DPF3: variants seen among roughly 807,000 people sequenced by gnomAD.
The protein encoded by DPF3 is zinc finger protein DPF3.
A neutral mutation model predicts 56.8 loss-of-function variants in DPF3; 18 were observed. The ratio of observed to expected loss-of-function variants is 0.32; its 90% CI spans 0.22 to 0.47. The LOEUF is 0.47. Among genes scored for constraint, DPF3 ranks in the 20% least tolerant of loss-of-function variants. DPF3 has a pLI of 1.00. For missense variants in DPF3, 403 were observed against 488.8 expected (o/e 0.82, Z 1.65); for synonymous variants, 188 against 180.2 (o/e 1.04, Z -0.35).
chr14:72,654,756 CTTTG>C (rs1886016888), intron 8 of DPF3, among the ~76,000 whole-genome samples: 2 of 152,162 alleles, frequency 1.3e-5, no homozygotes. Context: ...TCCAGTTCCC[CTTTG>C]TTTCTTTTAT....
intron 7 of DPF3, among the ~76,000 whole-genome samples, chr14:72,679,671 G>A (rs933628466): frequency 2.6e-5 from 4 of 152,260 alleles, no homozygotes; most frequent in African/African-American, 9.6e-5. Context: ...CATGGCAACC[G>A]GAATCCTGGG....
intron 2 of DPF3, among the ~76,000 whole-genome samples, chr14:72,758,970 T>G (rs1163939539): frequency 6.6e-6 from 1 of 152,128 alleles, no homozygotes; most frequent in Non-Finnish European, 1.5e-5. Flanking sequence ...AAAATATGAC[T>G]TATAATAAGG....
intron 1 of DPF3, among the ~76,000 whole-genome samples, chr14:72,878,677 A>T (rs1886208597): frequency 6.6e-6 from 1 of 152,256 alleles, no homozygotes; most frequent in Non-Finnish European, 1.5e-5. Flanking sequence ...AAGTTGATTT[A>T]TCAGTGGCTA....
chr14:72,733,527 A>G (rs1889761957), intron 3 of DPF3, among the ~76,000 whole-genome samples: 1 of 152,132 alleles, frequency 6.6e-6, no homozygotes, highest in African/African-American at 2.4e-5. Flanking sequence ...GACAGGAGCT[A>G]TGGCTTGCAG....
chr14:72,892,077 T>C, intron 1 of DPF3: 1 of 1,476,622 alleles, frequency 6.8e-7, no homozygotes, highest in Admixed American at 2.3e-5. Flanking sequence ...AGCTTAGAGA[T>C]ACTGCGCCCG....
At chr14:72,629,276 G>C (rs1456217209) in intron 9 of DPF3, among the ~76,000 whole-genome samples, 2 of 152,214 alleles carry the variant, frequency 1.3e-5, no homozygotes, top group Non-Finnish European at 2.9e-5. Context: ...GTCGAAGCTG[G>C]TGATGGTTTA....
chr14:72,624,333 C>CTTTTTTTTTTTTTTTTTTTT (rs55820708), intron 9 of DPF3, among the ~76,000 whole-genome samples: 7 of 97,794 alleles, frequency 7.2e-5, no homozygotes, highest in African/African-American at 2.3e-4. Context: ...ACCTATGTCT[C>CTTTTTTTTTTTTTTTTTTTT]TTTTTTTTTT....
chr14:72,715,748 C>T (rs995586044), intron 5 of DPF3, among the ~76,000 whole-genome samples: 13 of 152,002 alleles, frequency 8.6e-5, no homozygotes, highest in African/African-American at 2.9e-4. Flanking sequence ...TCCCAATCAA[C>T]ACCACCTGCC....
chr14:72,707,755 C>G (rs1305924525), intron 6 of DPF3, among the ~76,000 whole-genome samples: 1 of 151,084 alleles, frequency 6.6e-6, no homozygotes, highest in South Asian at 2.1e-4. Context: ...AAAACAAATA[C>G]AGCAAAAAAT....
chr14:72,662,428 T>C (rs758699700), intron 8 of DPF3: 69 of 984,634 alleles, frequency 7.0e-5, no homozygotes, highest in Middle Eastern at 5.2e-4. Context: ...AGCACTTTTT[T>C]CCTTTTAAAT....
chr14:72,742,133 C>T (rs1354393830), intron 3 of DPF3, among the ~76,000 whole-genome samples: 1 of 152,224 alleles, frequency 6.6e-6, no homozygotes, highest in Non-Finnish European at 1.5e-5. Flanking sequence ...GCACGCCCTG[C>T]CCACCTCGCT....
At chr14:72,714,308 GA>G in intron 6 of DPF3, 114 bp downstream of exon 6, 4 of 1,310,490 alleles carry the variant, frequency 3.1e-6, no homozygotes, top group Non-Finnish European at 4.3e-6. Context: ...GCAGACAGAG[GA>G]AGAGGAGAGC....
intron 1 of DPF3, among the ~76,000 whole-genome samples, chr14:72,880,655 C>T (rs1387008658): frequency 6.6e-6 from 1 of 152,102 alleles, no homozygotes; most frequent in African/African-American, 2.4e-5. Context: ...CTCTTGGGCT[C>T]GGGTGATCCT....
intron 6 of DPF3, among the ~76,000 whole-genome samples, chr14:72,695,425 T>C (rs1887860954): frequency 6.6e-6 from 1 of 152,170 alleles, no homozygotes; most frequent in South Asian, 2.1e-4. Context: ...ACTTCTTTGT[T>C]AAGGTAAGAT....
At position 72,614,245 on chromosome 14, in the gene DPF3, T is replaced by C. The variant is rs1359481026; in HGVS notation, c.*5052A>G. 6.6e-6 allele frequency among the ~76,000 whole-genome samples: 1 copy of C among 152,188 alleles called. No homozygotes were observed. Among genetic ancestry groups the C allele is most frequent in the African/African-American group, 2.4e-5 (1 of 41,462 alleles). On this transcript the variant is annotated 3_prime_UTR_variant, in exon 11 of 11. Transcript: ENST00000556509. The stretch of plus-strand genomic sequence containing the variant: ...AGCCCACCTTCTGACCACGGACCAG[T>C]TAGACTCTATGGCAAGCTGGGGTTC...
Position 72,753,921 on chromosome 14 carries a change from A to G in DPF3, c.194-550T>C, listed in dbSNP as rs115397338. 5.8e-3 allele frequency among the ~76,000 whole-genome samples: 888 copies of G among 152,056 alleles called. 9 individuals carry two copies. The highest frequency in any genetic ancestry group is 0.021 in the African/African-American group (855 of 41,480). On this transcript the variant is annotated intron_variant, in intron 2 of 10. Transcript: ENST00000556509. ...GCAAATGGAGGCTTGTGTAGCCCCC[A>G]TGAGAACATAAACCCACTCTGGTGA...
intron 1 of DPF3, among the ~76,000 whole-genome samples, chr14:72,878,503 A>T (rs895747043): frequency 6.6e-6 from 1 of 152,202 alleles, no homozygotes; most frequent in Non-Finnish European, 1.5e-5. Context: ...CAGACAGCAG[A>T]TGTTCACCAG....
intron 1 of DPF3, among the ~76,000 whole-genome samples, chr14:72,857,646 G>A (rs1463018793): frequency 1.3e-5 from 2 of 152,134 alleles, no homozygotes; most frequent in Non-Finnish European, 2.9e-5. Flanking sequence ...GAGTGCAGGG[G>A]CGCAATCTCG....
At chr14:72,632,664 AAAG>A (rs1050348316) in intron 8 of DPF3, among the ~76,000 whole-genome samples, 2 of 142,278 alleles carry the variant, frequency 1.4e-5, no homozygotes, top group Non-Finnish European at 1.5e-5. Flanking sequence ...GGAGGGAAGG[AAAG>A]AAGGAAGGAA....
Sources: gnomAD v4.1 joint callset for allele counts (sites outside exome capture counted in the v4.1 genomes callset) on GRCh38, gnomAD v4.1.1 for gene constraint, MANE v1.5 for transcripts, NCBI Gene and HGNC (gene_info 2026-07-23, HGNC 2026-07-21) for gene names.